SLC35F3: variants seen among roughly 807,000 people sequenced by gnomAD.
SLC35F3 encodes putative thiamine transporter SLC35F3.
Under a neutral mutation model 49.9 loss-of-function variants are expected in SLC35F3, and 25 were observed. The observed-to-expected ratio is 0.50, with a 90% CI of 0.37 to 0.70. The LOEUF is 0.70. SLC35F3 is among the 30% of genes least tolerant of loss of function. The pLI is 0.00. For missense variants in SLC35F3, 525 were observed against 639.8 expected (o/e 0.82, Z 1.94); for synonymous variants, 275 against 265.4 (o/e 1.04, Z -0.35).
At chr1:234,054,286 C>T (rs138520746) in intron 2 of SLC35F3, among the ~76,000 whole-genome samples, 52 of 152,296 alleles carry the variant, frequency 3.4e-4, no homozygotes, top group African/African-American at 1.2e-3. Context: ...ACCATTCAGA[C>T]GTAGATTTGG....
At position 234,256,560 on chromosome 1, in the gene SLC35F3, A is replaced by C. The variant is rs74409224; in HGVS notation, c.608+24819A>C. Among the ~76,000 whole-genome samples the C allele has an allele frequency of 9.4e-4, 143 of 152,338 alleles. 1 individual carries two copies. The highest frequency in any genetic ancestry group is 3.3e-3 in the African/African-American group (138 of 41,586). On this transcript the variant is annotated intron_variant, in intron 3 of 7. Coordinates refer to ENST00000366618, the MANE Select transcript of SLC35F3 (RefSeq NM_173508.4). ...CTCCTCTCTTTTGTGGTTTGACAAAACAACCAACCAGCATTCCTTCACTGA... is the reference window on the plus strand; with the variant it reads ...CTCCTCTCTTTTGTGGTTTGACAAACCAACCAACCAGCATTCCTTCACTGA...
chr1:234,275,287 G>T (rs539151423), intron 3 of SLC35F3, among the ~76,000 whole-genome samples: 1 of 151,322 alleles, frequency 6.6e-6, no homozygotes, highest in Admixed American at 6.6e-5. Context: ...CTTGGGTTCC[G>T]TCCCCTGAGA....
chr1:234,038,342 T>C (rs12728486), intron 2 of SLC35F3, among the ~76,000 whole-genome samples: 17,673 of 147,786 alleles, frequency 0.12, 1,296 homozygotes, highest in Non-Finnish European at 0.17. Context: ...ATGTGCCACA[T>C]TTTCTTAATC....
At chr1:233,974,138 C>T (rs1663036910) in intron 2 of SLC35F3, among the ~76,000 whole-genome samples, 1 of 147,890 alleles carries the variant, frequency 6.8e-6, no homozygotes, top group African/African-American at 2.5e-5. Flanking sequence ...CACTCTTGGG[C>T]AGGAGACTAT....
intron 2 of SLC35F3, among the ~76,000 whole-genome samples, chr1:234,167,542 TTCTCA>T (rs1055504672): frequency 6.6e-6 from 1 of 152,300 alleles, no homozygotes; most frequent in African/African-American, 2.4e-5. Context: ...AGCTCCAGAT[TTCTCA>T]TCTCAAGAAT....
intron 2 of SLC35F3, among the ~76,000 whole-genome samples, chr1:234,192,114 G>A (rs868201216): frequency 1.5e-4 from 23 of 152,230 alleles, no homozygotes; most frequent in African/African-American, 5.3e-4. Flanking sequence ...TATGAAGTCA[G>A]TATCACCCTA....
At chr1:233,945,997 A>G (rs2102801814) in intron 2 of SLC35F3, among the ~76,000 whole-genome samples, 1 of 152,344 alleles carries the variant, frequency 6.6e-6, no homozygotes, top group East Asian at 1.9e-4. Context: ...TGGAAGATAG[A>G]CTTTCAGAAC....
chr1:234,214,211 G>T lies in SLC35F3; in HGVS notation c.284-17206G>T, dbSNP rs144958492. The T allele has an allele frequency of 1.1e-5, 13 of 1,178,572 alleles. No individual in the cohort carries two copies. The highest frequency in any genetic ancestry group is 1.2e-5 in the Non-Finnish European group (11 of 953,860). The allele number at this position is 1,178,572 out of a possible 1,614,324, so 73.0% of individuals were successfully genotyped here. The stretch of plus-strand genomic sequence containing the variant: ...GTGGGAGCAGGGAGTGCACTTGTAC[G>T]TGACGTTGGAGTTTGCAGCAACCTC... On this transcript the variant is annotated intron_variant, in intron 2 of 7. Coordinates refer to ENST00000366618, the MANE Select transcript of SLC35F3 (RefSeq NM_173508.4). The surrounding 1 kb of genome is among the most constrained non-coding windows in gnomAD (Gnocchi z 8.0).
At chr1:234,128,962 C>T (rs895083429) in intron 2 of SLC35F3, among the ~76,000 whole-genome samples, 5 of 152,174 alleles carry the variant, frequency 3.3e-5, no homozygotes, top group African/African-American at 1.2e-4. Flanking sequence ...GTCCATAAAA[C>T]ACAGTAAATA....
At position 234,084,808 on chromosome 1, in the gene SLC35F3, G is replaced by C. The variant is rs528811169; in HGVS notation, c.284-146609G>C. 2.1e-5 allele frequency among the ~76,000 whole-genome samples: 3 copies of C among 146,302 alleles called. No homozygotes were observed. In the South Asian group the frequency reaches 7.1e-4, roughly 34 times the overall value. On this transcript the variant is annotated intron_variant, in intron 2 of 7. Coordinates refer to ENST00000366618, the MANE Select transcript of SLC35F3 (RefSeq NM_173508.4). The stretch of plus-strand genomic sequence containing the variant: ...CCAGGATCTGGTTGTTCCTGACACT[G>C]ACTGGATGTATTGTAGTATCTTCAG...
At chr1:233,928,050 A>C (rs185372394) in intron 2 of SLC35F3, among the ~76,000 whole-genome samples, 75 of 152,276 alleles carry the variant, frequency 4.9e-4, no homozygotes, top group Non-Finnish European at 9.3e-4. Flanking sequence ...TACAGAAGTC[A>C]AAATGTTTGA....
chr1:233,984,391 G>C (rs1409071578), intron 2 of SLC35F3, among the ~76,000 whole-genome samples: 1 of 152,224 alleles, frequency 6.6e-6, no homozygotes, highest in African/African-American at 2.4e-5. Context: ...AAGCAAGGAG[G>C]ACCAGGCAGC....
intron 2 of SLC35F3, among the ~76,000 whole-genome samples, chr1:234,139,256 G>C (rs1405619649): frequency 6.6e-6 from 1 of 152,210 alleles, no homozygotes; most frequent in Non-Finnish European, 1.5e-5. Flanking sequence ...GTTGCATGTA[G>C]TTGTTCCTTT....
At chr1:234,118,811 A>C (rs2102891907) in intron 2 of SLC35F3, among the ~76,000 whole-genome samples, 1 of 152,318 alleles carries the variant, frequency 6.6e-6, no homozygotes, top group South Asian at 2.1e-4. Context: ...TGATTCAAAA[A>C]GGTCCATTTA....
At chr1:234,176,918 T>G (rs1175236804) in intron 2 of SLC35F3, among the ~76,000 whole-genome samples, 1 of 152,218 alleles carries the variant, frequency 6.6e-6, no homozygotes, top group Non-Finnish European at 1.5e-5. Context: ...AGAACTGAAA[T>G]TTCTTCTTTG....
At chr1:233,999,266 C>T (rs1338145321) in intron 2 of SLC35F3, among the ~76,000 whole-genome samples, 2 of 152,166 alleles carry the variant, frequency 1.3e-5, no homozygotes, top group Non-Finnish European at 2.9e-5. Flanking sequence ...TATTTTAGCA[C>T]CAATTCCGAG....
At chr1:234,069,331 C>G (rs1319241108) in intron 2 of SLC35F3, among the ~76,000 whole-genome samples, 1 of 148,584 alleles carries the variant, frequency 6.7e-6, no homozygotes, top group African/African-American at 2.5e-5. Context: ...AATCTCAGCT[C>G]ATTGCAACCT....
chr1:233,925,888 A>G (rs554669518), intron 2 of SLC35F3, among the ~76,000 whole-genome samples: 2 of 152,130 alleles, frequency 1.3e-5, no homozygotes, highest in Admixed American at 1.3e-4. Flanking sequence ...TCCTTCACTT[A>G]TGATGCTTAG....
rs757737489 is a variant in SLC35F3, at chr1:234,145,014, C to T, written c.284-86403C>T. Reference sequence around the variant, plus strand: ...AGCACTGATCTTTCTGTGTGATATTCACTGTGTTCTTTTTGAACAATTGTA... The same window carrying T: ...AGCACTGATCTTTCTGTGTGATATTTACTGTGTTCTTTTTGAACAATTGTA... On this transcript the variant is annotated intron_variant, in intron 2 of 7. Transcript: ENST00000366618. Among the ~76,000 whole-genome samples, 6 of 152,146 alleles carry T rather than the reference C, an allele frequency of 3.9e-5. No individual in the cohort carries two copies. The South Asian group carries it at 1.2e-3, about 32-fold the overall frequency.
Sources: allele counts gnomAD v4.1 joint callset (sites outside exome capture counted in the v4.1 genomes callset), GRCh38; gene constraint gnomAD v4.1.1; non-coding constraint Gnocchi (gnomAD v3.1); transcripts MANE v1.5; gene names NCBI Gene and HGNC (gene_info 2026-07-23, HGNC 2026-07-21).